Variants in GYPE observed in about 807,000 individuals in gnomAD.
GYPE encodes the protein glycophorin E (MNS blood group).
In GYPE, 8 loss-of-function variants were observed where a neutral mutation model predicts 11.6. The observed-to-expected ratio is 0.69, with a 90% CI of 0.41 to 1.25. The LOEUF (loss-of-function observed/expected upper bound fraction) is 1.25. Ranked by LOEUF, GYPE falls within the 50% of genes most tolerant of loss-of-function variation. The probability of loss-of-function intolerance (pLI) is 0.01; values close to 1 mark genes in which losing one functional copy is unlikely to be tolerated. For missense variants in GYPE, 90 were observed against 92.8 expected, an observed-to-expected ratio of 0.97 and a Z score of 0.12; for synonymous variants, 28 against 29.6, an observed-to-expected ratio of 0.94 and a Z score of 0.18.
At chr4:143,904,233 ATAT>A (rs1460439560) in intron 1 of GYPE, among the ~76,000 whole-genome samples, 3 of 152,014 alleles carry the variant, frequency 2.0e-5, no homozygotes, top group East Asian at 1.9e-4. Context: ...TTTTAATAAT[ATAT>A]TATTAATACT....
chr4:143,904,327 T>C (rs898373715), intron 1 of GYPE, among the ~76,000 whole-genome samples: 1 of 152,196 alleles, frequency 6.6e-6, no homozygotes, highest in Non-Finnish European at 1.5e-5. Flanking sequence ...CATCAGTAAG[T>C]GTATTCCATT....
chr4:143,900,142 C>A (rs1233739017), intron 1 of GYPE, among the ~76,000 whole-genome samples: 1 of 151,368 alleles, frequency 6.6e-6, no homozygotes, highest in Non-Finnish European at 1.5e-5. Flanking sequence ...GGACTAGAAC[C>A]AACATTTCTC....
At chr4:143,883,725 A>T (rs1473415888) in intron 1 of GYPE, among the ~76,000 whole-genome samples, 1 of 150,576 alleles carries the variant, frequency 6.6e-6, no homozygotes, top group Admixed American at 6.6e-5. Flanking sequence ...ACAAAATAGC[A>T]CATGCAGAAT....
chr4:143,875,845 G>A (rs377046790), intron 3 of GYPE, among the ~76,000 whole-genome samples: 8 of 151,938 alleles, frequency 5.3e-5, no homozygotes, highest in South Asian at 2.1e-4. Flanking sequence ...ATGGTGGCCC[G>A]CACCTGTAGT....
At chr4:143,889,218 T>C (rs1744311381) in intron 1 of GYPE, among the ~76,000 whole-genome samples, 1 of 151,992 alleles carries the variant, frequency 6.6e-6, no homozygotes, top group Admixed American at 6.5e-5. Context: ...CCTGAACTTT[T>C]TAGCCTCGCT....
intron 1 of GYPE, among the ~76,000 whole-genome samples, chr4:143,894,215 A>T (rs577994217): frequency 1.3e-5 from 2 of 150,488 alleles, no homozygotes. Flanking sequence ...ATTCGTCTAA[A>T]CTTTTTTCAA....
At chr4:143,889,997 A>G (rs535631763) in intron 1 of GYPE, among the ~76,000 whole-genome samples, 5 of 152,346 alleles carry the variant, frequency 3.3e-5, no homozygotes, top group East Asian at 1.9e-4. Flanking sequence ...AGAGAATGAG[A>G]GAATCAAGTA....
At chr4:143,898,168 G>A (rs1744730589) in intron 1 of GYPE, among the ~76,000 whole-genome samples, 1 of 152,174 alleles carries the variant, frequency 6.6e-6, no homozygotes, top group Admixed American at 6.5e-5. Flanking sequence ...CCTGAGCTCA[G>A]GAGTTGGAGA....
At chr4:143,877,968 G>T (rs1234188221) in intron 2 of GYPE, among the ~76,000 whole-genome samples, 1 of 147,386 alleles carries the variant, frequency 6.8e-6, no homozygotes, top group Non-Finnish European at 1.5e-5. Context: ...TAAATGCCTT[G>T]CTTTTTACAT....
chr4:143,880,194 T>C, intron 2 of GYPE, among the ~76,000 whole-genome samples: 1 of 152,198 alleles, frequency 6.6e-6, no homozygotes, highest in South Asian at 2.1e-4. Flanking sequence ...TGCCACATTG[T>C]TTTAATTTCT....
intron 3 of GYPE, among the ~76,000 whole-genome samples, chr4:143,872,509 G>GA (rs1040485746): frequency 2.3e-4 from 35 of 151,878 alleles, no homozygotes; most frequent in Admixed American, 2.0e-4. Flanking sequence ...TGAGTGCTAT[G>GA]AAAAAAATAC....
intron 1 of GYPE, among the ~76,000 whole-genome samples, chr4:143,889,381 C>G (rs1014131936): frequency 3.9e-5 from 6 of 151,982 alleles, no homozygotes; most frequent in Non-Finnish European, 8.8e-5. Context: ...GTCCACTGTC[C>G]CAGTGGGAAA....
At chr4:143,897,328 G>A (rs534812579) in intron 1 of GYPE, among the ~76,000 whole-genome samples, 1 of 151,854 alleles carries the variant, frequency 6.6e-6, no homozygotes, top group African/African-American at 2.4e-5. Context: ...AATTAGTCAG[G>A]TGTGGTTGAG....
In GYPE at chr4:143,893,243, G is replaced by A. The variant is rs368432607; in HGVS notation, c.37+12228C>T. 6.5e-5 allele frequency among the ~76,000 whole-genome samples: 9 copies of A among 138,352 alleles called. No homozygotes were observed. The East Asian group carries it at 8.3e-4, about 13-fold the overall frequency. The allele number at this position is 138,352 out of a possible 152,430, so 90.8% of individuals were successfully genotyped here. On this transcript the variant is annotated intron_variant, in intron 1 of 3. Transcript: ENST00000358615. Reference sequence around the variant, plus strand: ...TGGGTTTCCTGAATACAGCACACTGGTGGGTCTTGACTCTTTATCCAATTT... The same window carrying A: ...TGGGTTTCCTGAATACAGCACACTGATGGGTCTTGACTCTTTATCCAATTT...
chr4:143,901,332 G>C (rs1262812481), intron 1 of GYPE, among the ~76,000 whole-genome samples: 3 of 151,996 alleles, frequency 2.0e-5, no homozygotes, highest in Non-Finnish European at 4.4e-5. Flanking sequence ...GATTGTGTTT[G>C]TTCGATTTAC....
intron 3 of GYPE, chr4:143,875,507 T>A (rs1279657136): frequency 1.3e-6 from 2 of 1,551,072 alleles, no homozygotes; most frequent in Non-Finnish European, 1.7e-6. Context: ...CACATCCTCA[T>A]GCCTGTGATA....
chr4:143,894,216 C>T (rs12645835), intron 1 of GYPE, among the ~76,000 whole-genome samples: 139,893 of 150,756 alleles, frequency 0.93, 65,856 homozygotes, highest in East Asian at 1. Context: ...TTCGTCTAAA[C>T]TTTTTTCAAA....
intron 1 of GYPE, among the ~76,000 whole-genome samples, chr4:143,891,282 C>T (rs1019459960): frequency 8.6e-5 from 13 of 150,414 alleles, no homozygotes; most frequent in Admixed American, 4.0e-4. Flanking sequence ...ATTTGAATTT[C>T]GTATAATATC....
At chr4:143,905,368 T>C in intron 1 of GYPE, 103 bp downstream of exon 1, 1 of 1,563,516 alleles carries the variant, frequency 6.4e-7, no homozygotes, top group South Asian at 1.2e-5. Flanking sequence ...ATACTACTCA[T>C]TTATGCATTT....
Sources: gnomAD v4.1 joint callset for allele counts (sites outside exome capture counted in the v4.1 genomes callset) on GRCh38, gnomAD v4.1.1 for gene constraint, MANE v1.5 for transcripts, NCBI Gene and HGNC (gene_info 2026-07-23, HGNC 2026-07-21) for gene names.